FAR2: variants seen among roughly 807,000 people sequenced by gnomAD.
The protein encoded by FAR2 is epididymis secretory protein Li 81.
FAR2 carries 19 observed loss-of-function variants against 56.0 expected under a neutral mutation model. The ratio of observed to expected loss-of-function variants is 0.34; its 90% CI spans 0.24 to 0.50. FAR2 has a LOEUF of 0.50. Among genes scored for constraint, FAR2 ranks in the 20% least tolerant of loss-of-function variants. FAR2 has a pLI of 0.98. For synonymous variants in FAR2, 219 were observed against 218.8 expected, an observed-to-expected ratio of 1.00 and a Z score of -0.01; for missense variants, 508 against 642.2, an observed-to-expected ratio of 0.79 and a Z score of 2.26.
At chr12:29,233,763 A>G (rs920723353) in intron 1 of FAR2, among the ~76,000 whole-genome samples, 1 of 152,218 alleles carries the variant, frequency 6.6e-6, no homozygotes, top group Non-Finnish European at 1.5e-5. Context: ...AAGCATAAAA[A>G]TAAACAAACC....
intron 1 of FAR2, among the ~76,000 whole-genome samples, chr12:29,211,648 G>T (rs1947550796): frequency 6.6e-6 from 1 of 151,938 alleles, no homozygotes; most frequent in South Asian, 2.1e-4. Flanking sequence ...ACTTACGAGA[G>T]AATCAACTCC....
intron 1 of FAR2, among the ~76,000 whole-genome samples, chr12:29,154,232 C>T (rs925326547): frequency 2.0e-5 from 3 of 152,106 alleles, no homozygotes; most frequent in African/African-American, 7.2e-5. Flanking sequence ...ATAATTTACT[C>T]CCCTGCTTAA....
In FAR2 at chr12:29,308,705, C is replaced by CATATATATATATATAT. The variant is rs1489134888; in HGVS notation, c.724-480_724-479insTATATATATATATATA. Among the ~76,000 whole-genome samples the CATATATATATATATAT allele has an allele frequency of 1.9e-4, 25 of 132,592 alleles. 1 individual carries two copies. Among genetic ancestry groups the CATATATATATATATAT allele is most frequent in the South Asian group, 6.9e-4 (3 of 4,334 alleles). The allele number at this position is 132,592 out of a possible 152,430, so 87.0% of individuals were successfully genotyped here. On this transcript the variant is annotated intron_variant, in intron 5 of 11. Transcript: ENST00000536681. ...AGACACACAGACACACACACACACA[C>CATATATATATATATAT]ACACACACACACACATATATATATA... is the stretch of plus-strand genomic sequence containing the variant.
rs575682980 is a variant in FAR2, at chr12:29,203,893, G to T, written c.-39+54486G>T. ...CGGGCGCCTGTAGTCCCAGCTACTCGGGAGGCTGAGGCAGGAGAATGGCGT... is the reference window on the plus strand; with the variant it reads ...CGGGCGCCTGTAGTCCCAGCTACTCTGGAGGCTGAGGCAGGAGAATGGCGT... On this transcript the variant is annotated intron_variant, in intron 1 of 11. Transcript: ENST00000536681. Among the ~76,000 whole-genome samples the T allele has an allele frequency of 5.5e-3, 827 of 150,364 alleles. 3 individuals are homozygous for T. The highest frequency in any genetic ancestry group is 7.9e-3 in the Non-Finnish European group (533 of 67,558).
At chr12:29,230,428 G>A in intron 1 of FAR2, among the ~76,000 whole-genome samples, 1 of 151,906 alleles carries the variant, frequency 6.6e-6, no homozygotes, top group Non-Finnish European at 1.5e-5. Context: ...TGATGGGAGA[G>A]GGAAAAGGAG....
chr12:29,231,296 A>G (rs1947854436), intron 1 of FAR2, among the ~76,000 whole-genome samples: 1 of 152,168 alleles, frequency 6.6e-6, no homozygotes, highest in Non-Finnish European at 1.5e-5. Context: ...CAGGAGGCAA[A>G]TGCCAGGACT....
chr12:29,313,788 G>C (rs1949395021), intron 8 of FAR2, among the ~76,000 whole-genome samples: 2 of 151,756 alleles, frequency 1.3e-5, no homozygotes, highest in Admixed American at 1.3e-4. Flanking sequence ...CTTCTCCAAA[G>C]GGTTTATTAT....
chr12:29,149,860 G>A (rs1949667691), intron 1 of FAR2, among the ~76,000 whole-genome samples: 1 of 152,156 alleles, frequency 6.6e-6, no homozygotes, highest in Non-Finnish European at 1.5e-5. Context: ...GTGTGAAACG[G>A]CAGCGGTCCT....
intron 8 of FAR2, among the ~76,000 whole-genome samples, chr12:29,313,002 T>G (rs745397528): frequency 1.3e-5 from 2 of 152,182 alleles, no homozygotes; most frequent in African/African-American, 4.8e-5. Flanking sequence ...GATACAACAT[T>G]GTTTCTTCCT....
intron 1 of FAR2, among the ~76,000 whole-genome samples, chr12:29,232,582 A>G (rs1487282165): frequency 6.6e-6 from 1 of 152,112 alleles, no homozygotes; most frequent in Non-Finnish European, 1.5e-5. Context: ...TTCATTGTCA[A>G]GAGGGTGTTC....
chr12:29,273,794 C>A (rs947777684), intron 2 of FAR2, among the ~76,000 whole-genome samples: 5 of 152,206 alleles, frequency 3.3e-5, no homozygotes, highest in Non-Finnish European at 7.3e-5. Context: ...CCGGAGTGGG[C>A]TCTTCTGACC....
intron 8 of FAR2, among the ~76,000 whole-genome samples, chr12:29,313,343 C>T (rs747236240): frequency 7.9e-5 from 12 of 152,084 alleles, no homozygotes; most frequent in South Asian, 2.1e-4. Context: ...GCCTATGAAC[C>T]GGTGATTCTT....
At chr12:29,210,258 T>A (rs1344482538) in intron 1 of FAR2, among the ~76,000 whole-genome samples, 3 of 152,150 alleles carry the variant, frequency 2.0e-5, no homozygotes, top group African/African-American at 7.2e-5. Flanking sequence ...AATTCTGTTT[T>A]AGAAAAAAAG....
intron 1 of FAR2, among the ~76,000 whole-genome samples, chr12:29,207,831 T>C (rs1348698321): frequency 6.6e-6 from 1 of 152,142 alleles, no homozygotes; most frequent in Non-Finnish European, 1.5e-5. Context: ...TTAAAGAAAA[T>C]AAATTTCACA....
chr12:29,252,923 T>C (rs1948235723), intron 1 of FAR2, among the ~76,000 whole-genome samples: 2 of 152,116 alleles, frequency 1.3e-5, no homozygotes, highest in African/African-American at 2.4e-5. Flanking sequence ...AACATTTAAA[T>C]TGGTGAACTT....
chr12:29,178,007 T>TA (rs776645633), intron 1 of FAR2, among the ~76,000 whole-genome samples: 65 of 152,306 alleles, frequency 4.3e-4, no homozygotes, highest in Middle Eastern at 6.8e-3. Flanking sequence ...GTGGATAGTC[T>TA]ATGCTGTGCC....
chr12:29,292,185 G>T (rs1460547184), intron 2 of FAR2: 1 of 152,084 alleles, frequency 6.6e-6, no homozygotes, highest in African/African-American at 2.4e-5. Flanking sequence ...AAAACCAAAG[G>T]CAAAAGAAAA....
At chr12:29,309,064 T>C in intron 5 of FAR2, 122 bp from the exon 6 acceptor site, 2 of 734,518 alleles carry the variant, frequency 2.7e-6, no homozygotes, top group Non-Finnish European at 4.8e-6. Context: ...CTGAATTAGA[T>C]AGTTCTATTG....
chr12:29,240,123 G>A (rs1362954233), intron 1 of FAR2, among the ~76,000 whole-genome samples: 7 of 152,136 alleles, frequency 4.6e-5, no homozygotes, highest in East Asian at 1.9e-4. Flanking sequence ...TCCAGCTGTC[G>A]ACAGCGTGGC....
Sources: gnomAD v4.1 joint callset for allele counts (sites outside exome capture counted in the v4.1 genomes callset) on GRCh38, gnomAD v4.1.1 for gene constraint, MANE v1.5 for transcripts, NCBI Gene and HGNC (gene_info 2026-07-23, HGNC 2026-07-21) for gene names.